The following TRIM5 variants were observed in gnomAD, a reference collection of about 807,000 sequenced individuals.
The protein encoded by TRIM5 is tripartite motif-containing protein 5.
A neutral mutation model predicts 35.6 loss-of-function variants in TRIM5; 31 were observed. That is an observed-to-expected ratio of 0.87 (90% CI 0.65 to 1.18). The LOEUF (loss-of-function observed/expected upper bound fraction) is 1.18. TRIM5 is among the 50% of genes most tolerant of loss of function. TRIM5 has a pLI of 0.00. For synonymous variants in TRIM5, 243 were observed against 215.6 expected (o/e 1.13, Z -1.11); for missense variants, 609 against 591.6 (o/e 1.03, Z -0.31).
At chr11:5,600,088 A>C in the TRIM5 span, among the ~76,000 whole-genome samples, 1 of 152,214 alleles carries the variant, frequency 6.6e-6, no homozygotes, top group African/African-American at 2.4e-5. Context: ...AACACCAATT[A>C]GTACTACCAG....
chr11:5,677,928 CTAG>C lies in TRIM5; in HGVS notation c.744+273_744+275del, dbSNP rs1263688604. On this transcript the variant is annotated intron_variant, in intron 4 of 7. Transcript: ENST00000380034. ...AAAGCTGCACTGGTAAGTCTCAACA[CTAG>C]AATACAGAGAATAGGAACCTATCAA... The C allele has an allele frequency of 8.2e-4, 228 of 278,114 alleles. 1 individual carries two copies. Among genetic ancestry groups the C allele is most frequent in the Non-Finnish European group, 9.5e-4 (143 of 150,530 alleles). 17.2% of individuals were successfully genotyped at this position (278,114 alleles called of 1,614,324 possible). A position where few individuals can be genotyped will look rare whatever the true frequency, so the allele number is the denominator to read the frequency against.
chr11:5,599,101 C>A, the TRIM5 span, among the ~76,000 whole-genome samples: 1 of 152,032 alleles, frequency 6.6e-6, no homozygotes, highest in African/African-American at 2.4e-5. Context: ...ACTTTGCATG[C>A]TTTTGAGATT....
At chr11:5,610,718 C>T in the TRIM5 span, 2 of 1,587,076 alleles carry the variant, frequency 1.3e-6, no homozygotes, top group South Asian at 2.3e-5. Flanking sequence ...TTCCTCTTCT[C>T]AGCATAACGA....
At chr11:5,680,764 C>A (rs577306096) in intron 1 of TRIM5, among the ~76,000 whole-genome samples, 1 of 152,308 alleles carries the variant, frequency 6.6e-6, no homozygotes, top group African/African-American at 2.4e-5. Context: ...TCACCATGCA[C>A]TGTACGTTTG....
chr11:5,633,657 T>A, the TRIM5 span: 1 of 680,834 alleles, frequency 1.5e-6, no homozygotes, highest in Non-Finnish European at 2.4e-6. Flanking sequence ...CTCAAAATTT[T>A]CCCCATGTCA....
the TRIM5 span, among the ~76,000 whole-genome samples, chr11:5,634,132 C>A: frequency 1.3e-5 from 2 of 152,160 alleles, no homozygotes; most frequent in Non-Finnish European, 2.9e-5. Flanking sequence ...GGAAGGCTAG[C>A]AAATACTGTG....
At chr11:5,622,638 T>TA in the TRIM5 span, among the ~76,000 whole-genome samples, 3 of 151,436 alleles carry the variant, frequency 2.0e-5, no homozygotes, top group African/African-American at 7.3e-5. Flanking sequence ...AACAAACAAA[T>TA]AAAAAAAACC....
the TRIM5 span, among the ~76,000 whole-genome samples, chr11:5,625,376 TTCTC>T: frequency 2.0e-5 from 3 of 152,170 alleles, no homozygotes; most frequent in Admixed American, 6.5e-5. Context: ...AAGGAAACAA[TTCTC>T]TCTCTCTCTT....
In TRIM5 at chr11:5,678,303, C is replaced by T. The variant is rs771117948; in HGVS notation, c.645G>A (p.Thr215=). 1.2e-5 allele frequency: 20 copies of T among 1,613,970 alleles called. No individual in the cohort carries two copies. The highest frequency in any genetic ancestry group is 1.6e-4 in the Middle Eastern group (1 of 6,084). ...GCTGCACCATCTCAGTTTCAGAGTTCGTAAGGCTTTTCAGAATGTCTTCCT... is the reference window on the plus strand; with the variant it reads ...GCTGCACCATCTCAGTTTCAGAGTTTGTAAGGCTTTTCAGAATGTCTTCCT... ...KEEEDILKSL[T]NSETEMVQQT... is the part of the protein sequence containing the mutation. Residue 215 remains threonine (T), a synonymous_variant, in exon 4 of 8, where the codon ACG becomes ACA. Coordinates refer to ENST00000380034, the MANE Select transcript of TRIM5 (RefSeq NM_033034.3).
At chr11:5,681,400 C>T (rs1236708085) in intron 1 of TRIM5, among the ~76,000 whole-genome samples, 1 of 152,152 alleles carries the variant, frequency 6.6e-6, no homozygotes, top group Non-Finnish European at 1.5e-5. Context: ...CTAAGCTATA[C>T]GTCTACGTAT....
intron 5 of TRIM5, 88 bp downstream of exon 5, chr11:5,667,601 T>C: frequency 7.0e-7 from 1 of 1,435,706 alleles, no homozygotes; most frequent in South Asian, 1.2e-5. Context: ...TGGGAGATGT[T>C]TTATTCTAAT....
the TRIM5 span, chr11:5,624,777 T>G: frequency 6.6e-6 from 1 of 152,238 alleles, no homozygotes. Context: ...TGCCATCTAG[T>G]GCAAATCCTC....
the TRIM5 span, among the ~76,000 whole-genome samples, chr11:5,646,458 C>T: frequency 9.2e-5 from 14 of 152,292 alleles, no homozygotes; most frequent in African/African-American, 2.6e-4. Context: ...CTTCCATCTA[C>T]GCCTAGAAAC....
chr11:5,673,910 C>T (rs59728026), intron 4 of TRIM5, among the ~76,000 whole-genome samples: 1,645 of 151,086 alleles, frequency 0.011, 33 homozygotes, highest in African/African-American at 0.036. Flanking sequence ...ATAGTTAAAG[C>T]AATTCATTTA....
the TRIM5 span, among the ~76,000 whole-genome samples, chr11:5,622,618 C>CA: frequency 5.8e-4 from 72 of 123,770 alleles, no homozygotes; most frequent in East Asian, 0.013. Flanking sequence ...AACTCCATCT[C>CA]AAAAAAACAA....
the TRIM5 span, among the ~76,000 whole-genome samples, chr11:5,614,756 A>G: frequency 2.0e-5 from 3 of 152,226 alleles, no homozygotes; most frequent in Non-Finnish European, 4.4e-5. Flanking sequence ...GTTTGATTCT[A>G]ACTTAAAAAT....
chr11:5,660,680 C>T (rs1850783665), downstream of TRIM5, among the ~76,000 whole-genome samples: 1 of 151,952 alleles, frequency 6.6e-6, no homozygotes. Flanking sequence ...TAATGTTTTG[C>T]ACTGCCACAT....
chr11:5,597,063 G>GA, the TRIM5 span: 1 of 1,002,884 alleles, frequency 1.0e-6, no homozygotes, highest in Non-Finnish European at 1.4e-6. Context: ...ACTGAGGTTA[G>GA]AGACATTTTA....
At chr11:5,646,908 T>TC in the TRIM5 span, among the ~76,000 whole-genome samples, 1 of 152,196 alleles carries the variant, frequency 6.6e-6, no homozygotes, top group African/African-American at 2.4e-5. Context: ...CTTCTTGAGC[T>TC]CATAGGACAT....
Sources: allele counts gnomAD v4.1 joint callset (sites outside exome capture counted in the v4.1 genomes callset), GRCh38; gene constraint gnomAD v4.1.1; transcripts MANE v1.5; gene names NCBI Gene and HGNC (gene_info 2026-07-23, HGNC 2026-07-21).